Variants in CBFA2T3 observed in about 807,000 individuals in gnomAD.
The protein encoded by CBFA2T3 is transcriptional corepressor CBFA2T3.
A neutral mutation model predicts 58.6 loss-of-function variants in CBFA2T3; 31 were observed. That is an observed-to-expected ratio of 0.53 (90% CI 0.40 to 0.71). The LOEUF is 0.71. Among genes scored for constraint, CBFA2T3 ranks in the 30% least tolerant of loss-of-function variants. The probability of loss-of-function intolerance (pLI) is 0.00; values close to 1 mark genes in which losing one functional copy is unlikely to be tolerated. For missense variants in CBFA2T3, 1,076 were observed against 963.1 expected, an observed-to-expected ratio of 1.12 and a Z score of -1.55; for synonymous variants, 531 against 421.9, an observed-to-expected ratio of 1.26 and a Z score of -3.17.
intron 1 of CBFA2T3, among the ~76,000 whole-genome samples, chr16:88,919,491 C>T (rs984764096): frequency 2.6e-5 from 4 of 152,214 alleles, no homozygotes; most frequent in Non-Finnish European, 5.9e-5. Context: ...CTAACATCAG[C>T]GTGGCCTCAG....
rs1968779805 is a variant in CBFA2T3 at position 88,875,093 on chromosome 16, A to T, written c.*1883T>A. On this transcript the variant is annotated 3_prime_UTR_variant, in exon 12 of 12. Coordinates refer to ENST00000268679, the MANE Select transcript of CBFA2T3 (RefSeq NM_005187.6). ...GCCACGGGCCACGCCACGCGCACAG[A>T]TGCCAGGCCACGGGCCACGCCACAC... 1 of 234,934 alleles carries T rather than the reference A, an allele frequency of 4.3e-6. No individual in the cohort carries two copies. Among genetic ancestry groups the T allele is most frequent in the Admixed American group, 5.7e-5 (1 of 17,618 alleles). 14.6% of individuals were successfully genotyped at this position (234,934 alleles called of 1,614,324 possible).
chr16:88,927,416 G>A (rs1277429935), intron 1 of CBFA2T3, among the ~76,000 whole-genome samples: 2 of 152,240 alleles, frequency 1.3e-5, no homozygotes, highest in Non-Finnish European at 2.9e-5. Flanking sequence ...CCCAGACCCA[G>A]CCTGTTTTCT....
In CBFA2T3 at chr16:88,909,650, G is replaced by C. The variant is rs140615610; in HGVS notation, c.152-7994C>G. On this transcript the variant is annotated intron_variant, in intron 1 of 11. Transcript: ENST00000268679. ...TCCTTCAGAATCACACGGTCCCACA[G>C]CTTCCTCTGGGAAAGGCACAGATGT... is the stretch of plus-strand genomic sequence containing the variant. Among the ~76,000 whole-genome samples the C allele has an allele frequency of 8.0e-4, 115 of 144,248 alleles. 2 individuals carry two copies. The East Asian group carries it at 0.019, about 23-fold the overall frequency. The allele number at this position is 144,248 out of a possible 152,430, so 94.6% of individuals were successfully genotyped here.
intron 1 of CBFA2T3, among the ~76,000 whole-genome samples, chr16:88,971,011 G>A (rs961249205): frequency 6.6e-6 from 1 of 152,178 alleles, no homozygotes; most frequent in African/African-American, 2.4e-5. Context: ...AGGCAGCCGG[G>A]GCTGTGAGTG....
At chr16:88,917,677 G>A (rs1214354325) in intron 1 of CBFA2T3, among the ~76,000 whole-genome samples, 1 of 152,212 alleles carries the variant, frequency 6.6e-6, no homozygotes, top group Non-Finnish European at 1.5e-5. Flanking sequence ...AATAATTAGG[G>A]TCTGGCGGCT....
At chr16:88,910,917 G>T (rs1353002706) in intron 1 of CBFA2T3, among the ~76,000 whole-genome samples, 1 of 152,168 alleles carries the variant, frequency 6.6e-6, no homozygotes, top group African/African-American at 2.4e-5. Flanking sequence ...GCTGTGCCAA[G>T]TGTGGGGATC....
chr16:88,951,033 AGG>A, intron 1 of CBFA2T3: 1 of 398,870 alleles, frequency 2.5e-6, no homozygotes, highest in South Asian at 1.7e-5. Flanking sequence ...ACCGGCACAG[AGG>A]GTCAGAGTGT....
intron 1 of CBFA2T3, among the ~76,000 whole-genome samples, chr16:88,935,229 G>A (rs995552344): frequency 6.6e-6 from 1 of 152,224 alleles, no homozygotes; most frequent in African/African-American, 2.4e-5. Context: ...TGGCGCAGGA[G>A]AGGCTGCATG....
intron 8 of CBFA2T3, 99 bp downstream of exon 8, chr16:88,882,549 TGTGGCTGTGTGTGGGCATGGCTGTGGGC>T (rs1597660071): frequency 1.5e-6 from 1 of 658,748 alleles, no homozygotes; most frequent in Non-Finnish European, 2.7e-6. Flanking sequence ...TGTGCATGGG[TGTGGCTGTGTGTGGGCATGGCTGTGGGC>T]GTGGCTGTGT....
chr16:88,956,221 A>G (rs1233544610), intron 1 of CBFA2T3, among the ~76,000 whole-genome samples: 1 of 152,284 alleles, frequency 6.6e-6, no homozygotes, highest in Non-Finnish European at 1.5e-5. Flanking sequence ...CAGAATGGCC[A>G]GGAAACTGAG....
In CBFA2T3 at chr16:88,886,053, C is replaced by A; in HGVS notation, c.801G>T (p.Gln267His). ...TPAQYLAQHE[Q>H]LLLDASASSP... Reference sequence around the variant, plus strand: ...AGGAGGCGCTGGCGTCCAGCAGGAGCTGCTCATGCTGGGCCAAGTACTGGG... The same window carrying A: ...AGGAGGCGCTGGCGTCCAGCAGGAGATGCTCATGCTGGGCCAAGTACTGGG... Residue 267 changes from glutamine (Q) to histidine (H), a missense_variant, in exon 6 of 12, where the codon CAG becomes CAT. Gln to His is a conservative substitution (Grantham distance 24). Coordinates refer to ENST00000268679, the MANE Select transcript of CBFA2T3 (RefSeq NM_005187.6). The A allele has an allele frequency of 6.3e-7, 1 of 1,586,136 alleles. No individual in the cohort carries two copies. The highest frequency in any genetic ancestry group is 8.5e-7 in the Non-Finnish European group (1 of 1,170,970).
At chr16:88,945,168 C>T (rs1971870700) in intron 1 of CBFA2T3, among the ~76,000 whole-genome samples, 1 of 152,186 alleles carries the variant, frequency 6.6e-6, no homozygotes. Flanking sequence ...GATACCATAG[C>T]AATTTGATAG....
rs1379627987 is a variant in CBFA2T3, at chr16:88,976,871, C to T, written c.-64G>A. 1 of 1,497,456 alleles carries T rather than the reference C, an allele frequency of 6.7e-7. No individual in the cohort carries two copies. The highest frequency in any genetic ancestry group is 1.4e-5 in the African/African-American group (1 of 71,772). The allele number at this position is 1,497,456 out of a possible 1,614,324, so 92.8% of individuals were successfully genotyped here. A position where few individuals can be genotyped will look rare whatever the true frequency, so the allele number is the denominator to read the frequency against. On this transcript the variant is annotated 5_prime_UTR_variant, in exon 1 of 12. Transcript: ENST00000268679. Reference sequence around the variant, plus strand: ...ACAGGCCTCTACCAGGACTGCCTTTCCCGACCTCCTGCAGCCTTGAGGGAA... The same window carrying T: ...ACAGGCCTCTACCAGGACTGCCTTTTCCGACCTCCTGCAGCCTTGAGGGAA...
Position 88,885,429 on chromosome 16 carries a change from G to A in CBFA2T3, c.894-160C>T, listed in dbSNP as rs1012982763. ...CAAAACACCAGCCCCGGGAAGCCCA[G>A]CCCGGCGCCCCCACTCTCTGCCCCT... On this transcript the variant is annotated intron_variant, in intron 6 of 11. Transcript: ENST00000268679. The surrounding 1 kb of genome is among the most constrained non-coding windows in gnomAD (Gnocchi z 5.3). Among the ~76,000 whole-genome samples the A allele has an allele frequency of 1.3e-5, 2 of 152,086 alleles. No homozygotes were observed. The highest frequency in any genetic ancestry group is 4.8e-5 in the African/African-American group (2 of 41,392).
At chr16:88,914,247 G>A (rs1010254391) in intron 1 of CBFA2T3, among the ~76,000 whole-genome samples, 1 of 152,238 alleles carries the variant, frequency 6.6e-6, no homozygotes, top group African/African-American at 2.4e-5. Flanking sequence ...TGTGATGCTA[G>A]AGGTCAGGAA....
chr16:88,901,183 C>T (rs762071952), intron 2 of CBFA2T3, among the ~76,000 whole-genome samples: 16 of 152,228 alleles, frequency 1.1e-4, no homozygotes, highest in Non-Finnish European at 1.8e-4. Flanking sequence ...GCACAGCGGC[C>T]GGCTTTGACC....
intron 1 of CBFA2T3, among the ~76,000 whole-genome samples, chr16:88,967,071 G>T (rs74033225): frequency 6.7e-6 from 1 of 150,246 alleles, no homozygotes; most frequent in South Asian, 2.1e-4. Context: ...TCTCTCCATA[G>T]GGAAGCTGAG....
chr16:88,896,770 G>A lies in CBFA2T3; in HGVS notation c.379+1308C>T, dbSNP rs577777057. The stretch of plus-strand genomic sequence containing the variant: ...TCTCAGACGCGCCACAGTGCACGCC[G>A]GGGCCCCTGCCCACCGCCCCGGCCA... On this transcript the variant is annotated intron_variant, in intron 3 of 11. Coordinates refer to ENST00000268679, the MANE Select transcript of CBFA2T3 (RefSeq NM_005187.6). Among the ~76,000 whole-genome samples the A allele has an allele frequency of 3.7e-3, 567 of 152,200 alleles. 7 individuals are homozygous for A. Among genetic ancestry groups the A allele is most frequent in the African/African-American group, 0.013 (553 of 41,514 alleles).
chr16:88,952,920 GACGGC>G (rs1972116057), intron 1 of CBFA2T3, among the ~76,000 whole-genome samples: 1 of 54,474 alleles, frequency 1.8e-5, no homozygotes, highest in Non-Finnish European at 3.7e-5. Context: ...CCTGTGTCGA[GACGGC>G]ATGTCCAGGA....
Sources: gnomAD v4.1 joint callset for allele counts (sites outside exome capture counted in the v4.1 genomes callset) on GRCh38, gnomAD v4.1.1 for gene constraint, Gnocchi (gnomAD v3.1) non-coding constraint, MANE v1.5 for transcripts, NCBI Gene and HGNC (gene_info 2026-07-23, HGNC 2026-07-21) for gene names.